Variants in SHISA9 observed in about 807,000 individuals in gnomAD.
SHISA9 encodes the protein shisa family member 9, also known as protein shisa-9.
A neutral mutation model predicts 38.0 loss-of-function variants in SHISA9; 13 were observed. The observed-to-expected ratio is 0.34, with a 90% CI of 0.22 to 0.54. The LOEUF is 0.54. Ranked by LOEUF, SHISA9 falls within the 20% of genes least tolerant of loss-of-function variation. SHISA9 has a pLI of 0.91. For missense variants in SHISA9, 538 were observed against 575.8 expected (o/e 0.93, Z 0.67); for synonymous variants, 275 against 242.0 (o/e 1.14, Z -1.27).
chr16:13,303,192 C>T, the SHISA9 span, among the ~76,000 whole-genome samples: 15 of 152,180 alleles, frequency 9.9e-5, no homozygotes, highest in East Asian at 2.9e-3. Flanking sequence ...AAAAGTCAAA[C>T]ATAGAGAACT....
chr16:13,411,915 A>G, the SHISA9 span, among the ~76,000 whole-genome samples: 32 of 151,764 alleles, frequency 2.1e-4, no homozygotes, highest in African/African-American at 6.6e-4. Flanking sequence ...CACAGCATCC[A>G]AAACTCTTAG....
chr16:13,313,809 C>A, the SHISA9 span, among the ~76,000 whole-genome samples: 1 of 152,170 alleles, frequency 6.6e-6, no homozygotes, highest in African/African-American at 2.4e-5. Flanking sequence ...TGGTGGGAAA[C>A]AGGATCATTT....
chr16:13,044,195 C>G (rs572757911), intron 2 of SHISA9, among the ~76,000 whole-genome samples: 34 of 152,226 alleles, frequency 2.2e-4, no homozygotes, highest in African/African-American at 7.9e-4. Context: ...TTCAGACACG[C>G]AAATGTAGAA....
the SHISA9 span, among the ~76,000 whole-genome samples, chr16:13,352,227 G>C: frequency 1.3e-5 from 2 of 152,210 alleles, no homozygotes; most frequent in Non-Finnish European, 2.9e-5. Context: ...TGGGAGAACA[G>C]AGTGCATGGT....
At chr16:13,095,604 T>A (rs2073817275) in intron 2 of SHISA9, among the ~76,000 whole-genome samples, 1 of 152,212 alleles carries the variant, frequency 6.6e-6, no homozygotes, top group African/African-American at 2.4e-5. Flanking sequence ...CAGACCATCT[T>A]CATTTAACTG....
In SHISA9 at chr16:13,235,313, G is replaced by A; in HGVS notation, c.1179G>A (p.Glu393=). ...YSNKGKLGTA[E]TGSSDPLGTR... is the part of the protein sequence containing the mutation. Reference sequence around the variant, plus strand: ...ACAAGGGCAAGCTTGGCACGGCCGAGACAGGCTCCAGCGACCCCTTGGGAA... The same window carrying A: ...ACAAGGGCAAGCTTGGCACGGCCGAAACAGGCTCCAGCGACCCCTTGGGAA... The change falls in exon 5 of 5, where the codon GAG becomes GAA. Residue 393 remains glutamate (E), a synonymous_variant. Transcript: ENST00000558583. The A allele has an allele frequency of 6.5e-7, 1 of 1,550,068 alleles. No homozygotes were observed. The highest frequency in any genetic ancestry group is 2.4e-5 in the East Asian group (1 of 40,906).
At chr16:13,481,103 C>T in the SHISA9 span, among the ~76,000 whole-genome samples, 2 of 152,172 alleles carry the variant, frequency 1.3e-5, no homozygotes, top group Non-Finnish European at 2.9e-5. Context: ...GCTGACCAAC[C>T]GCTTTTGCTA....
intron 2 of SHISA9, among the ~76,000 whole-genome samples, chr16:12,981,518 C>T (rs747713534): frequency 1.3e-5 from 2 of 152,306 alleles, no homozygotes; most frequent in South Asian, 4.1e-4. Context: ...CAGTAGTTTA[C>T]CACAGGTCCT....
downstream of SHISA9, among the ~76,000 whole-genome samples, chr16:13,243,931 C>A (rs2142098172): frequency 6.6e-6 from 1 of 152,218 alleles, no homozygotes; most frequent in East Asian, 1.9e-4. Flanking sequence ...CACCACCACA[C>A]CTGGCTAATT....
intron 2 of SHISA9, among the ~76,000 whole-genome samples, chr16:13,179,027 A>G (rs1378790946): frequency 6.6e-6 from 1 of 152,232 alleles, no homozygotes; most frequent in African/African-American, 2.4e-5. Context: ...CTATAACAAC[A>G]TCATCCCTCT....
chr16:13,368,432 A>T, the SHISA9 span, among the ~76,000 whole-genome samples: 1 of 152,148 alleles, frequency 6.6e-6, no homozygotes, highest in South Asian at 2.1e-4. Flanking sequence ...CAGGACTTGT[A>T]ACAATCAGAA....
chr16:13,110,750 A>G (rs1480395646), intron 2 of SHISA9, among the ~76,000 whole-genome samples: 1 of 152,178 alleles, frequency 6.6e-6, no homozygotes, highest in African/African-American at 2.4e-5. Context: ...TATCCTGGAG[A>G]AAGCTGGGGA....
chr16:13,431,023 T>A, the SHISA9 span, among the ~76,000 whole-genome samples: 1 of 152,142 alleles, frequency 6.6e-6, no homozygotes, highest in Admixed American at 6.5e-5. Context: ...TCAGGAGATA[T>A]GATTGAGCAG....
At chr16:13,491,713 C>G in the SHISA9 span, among the ~76,000 whole-genome samples, 1 of 150,006 alleles carries the variant, frequency 6.7e-6, no homozygotes, top group Non-Finnish European at 1.5e-5. Context: ...TGGTCTCAAA[C>G]TCCTGATCTC....
the SHISA9 span, among the ~76,000 whole-genome samples, chr16:13,247,644 C>G: frequency 6.6e-6 from 1 of 152,200 alleles, no homozygotes; most frequent in East Asian, 1.9e-4. Context: ...AGCTTGGCAT[C>G]TCACTTATTT....
In SHISA9 at chr16:13,123,611, A is replaced by G. The variant is rs151068335; in HGVS notation, c.692-79783A>G. Among the ~76,000 whole-genome samples, 27 of 152,376 alleles carry G rather than the reference A, an allele frequency of 1.8e-4. 1 individual carries two copies. In the East Asian group the frequency reaches 3.3e-3, roughly 18 times the overall value. On this transcript the variant is annotated intron_variant, in intron 2 of 4. Coordinates refer to ENST00000558583, the MANE Select transcript of SHISA9 (RefSeq NM_001145204.3). ...CAAAGGTCTGAGATAGATGGTGAAC[A>G]CAGCTGGCAGTTTCTGAGAATCCCA...
At chr16:13,488,247 CA>C in the SHISA9 span, among the ~76,000 whole-genome samples, 3,975 of 118,494 alleles carry the variant, frequency 0.034, 132 homozygotes, top group African/African-American at 0.092. Context: ...CCTCAAAATG[CA>C]AAAAAAAAAA....
At chr16:12,975,510 A>T (rs531031911) in intron 2 of SHISA9, among the ~76,000 whole-genome samples, 2 of 152,102 alleles carry the variant, frequency 1.3e-5, no homozygotes. Context: ...AAAAAGAAAG[A>T]AAGGAAAAAG....
chr16:13,339,297 G>A, the SHISA9 span, among the ~76,000 whole-genome samples: 1 of 151,638 alleles, frequency 6.6e-6, no homozygotes, highest in East Asian at 1.9e-4. Flanking sequence ...ATTTTACAAG[G>A]GTCCTAAAGT....
Sources: gnomAD v4.1 joint callset for allele counts (sites outside exome capture counted in the v4.1 genomes callset) on GRCh38, gnomAD v4.1.1 for gene constraint, MANE v1.5 for transcripts, NCBI Gene and HGNC (gene_info 2026-07-23, HGNC 2026-07-21) for gene names.